The following LPGAT1 variants were observed in gnomAD, a reference collection of about 807,000 sequenced individuals.
The protein encoded by LPGAT1 is acyl-CoA:lysophosphatidylglycerol acyltransferase 1.
A neutral mutation model predicts 47.5 loss-of-function variants in LPGAT1; 11 were observed. That is an observed-to-expected ratio of 0.23 (90% CI 0.15 to 0.38). LPGAT1 has a LOEUF of 0.38. Ranked by LOEUF, LPGAT1 falls within the 10% of genes least tolerant of loss-of-function variation. LPGAT1 has a pLI of 1.00. For synonymous variants in LPGAT1, 138 were observed against 144.2 expected (o/e 0.96, Z 0.31); for missense variants, 293 against 439.0 (o/e 0.67, Z 2.97).
At chr1:211,780,732 C>T (rs1426478554) in intron 5 of LPGAT1, among the ~76,000 whole-genome samples, 1 of 151,952 alleles carries the variant, frequency 6.6e-6, no homozygotes, top group Non-Finnish European at 1.5e-5. Context: ...GATATACATG[C>T]TGAAATGTTT....
At chr1:211,812,814 G>A (rs186334707) in intron 2 of LPGAT1, among the ~76,000 whole-genome samples, 8 of 152,352 alleles carry the variant, frequency 5.3e-5, no homozygotes, top group African/African-American at 1.2e-4. Context: ...CAGCCCAGAT[G>A]TTGGAAGAGG....
rs1658723998 is a variant in LPGAT1 at position 211,783,482 on chromosome 1, T to C, written c.474A>G (p.Gln158=). 1 of 1,613,688 alleles carries C rather than the reference T, an allele frequency of 6.2e-7. No individual in the cohort carries two copies. Among genetic ancestry groups the C allele is most frequent in the African/African-American group, 1.3e-5 (1 of 75,026 alleles). Residue 158 remains glutamine, a synonymous_variant, in exon 5 of 8, where the codon CAA becomes CAG. Transcript: ENST00000366997. ...AGTGCTTCTTGAGAAGCAGCAGCTG[T>C]TGGTCACGATAAGATCTTCCCTAGA... ...FIRQGRSYRD[Q]QLLLLKKHLE... is the part of the protein sequence containing the mutation.
intron 6 of LPGAT1, among the ~76,000 whole-genome samples, chr1:211,756,384 G>A (rs142802910): frequency 5.9e-5 from 9 of 152,264 alleles, no homozygotes; most frequent in Admixed American, 2.0e-4. Context: ...AGGCTGGAGC[G>A]TAGTGGCATG....
chr1:211,747,337 T>A lies in LPGAT1; in HGVS notation c.*2562A>T, dbSNP rs1656984226. ...AAGGATAGGGCAGATCAAATACACATCTATTTACAACTCACGGAGATATTT... is the reference window on the plus strand; with the variant it reads ...AAGGATAGGGCAGATCAAATACACAACTATTTACAACTCACGGAGATATTT... On this transcript the variant is annotated 3_prime_UTR_variant, in exon 8 of 8. Coordinates refer to ENST00000366997, the MANE Select transcript of LPGAT1 (RefSeq NM_014873.3). 6.6e-6 allele frequency: 1 copy of A among 152,118 alleles called. No homozygotes were observed. The highest frequency in any genetic ancestry group is 2.4e-5 in the African/African-American group (1 of 41,412). 9.4% of individuals were successfully genotyped at this position (152,118 alleles called of 1,614,324 possible). A position where few individuals can be genotyped will look rare whatever the true frequency, so the allele number is the denominator to read the frequency against.
chr1:211,758,550 A>C (rs1657559772), intron 6 of LPGAT1, among the ~76,000 whole-genome samples: 1 of 152,098 alleles, frequency 6.6e-6, no homozygotes, highest in South Asian at 2.1e-4. Context: ...AAAAATACAA[A>C]AAATAAACCG....
At chr1:211,825,283 C>T (rs1340327861) in intron 2 of LPGAT1, among the ~76,000 whole-genome samples, 5 of 146,856 alleles carry the variant, frequency 3.4e-5, no homozygotes, top group African/African-American at 1.3e-4. Flanking sequence ...CCTCGAACTC[C>T]TGGGCTCATG....
intron 6 of LPGAT1, among the ~76,000 whole-genome samples, chr1:211,757,055 G>A (rs1199455142): frequency 5.3e-5 from 8 of 151,796 alleles, no homozygotes; most frequent in African/African-American, 1.9e-4. Context: ...TCAGGAGCTC[G>A]AGACCAGCCT....
At chr1:211,829,955 A>G in intron 1 of LPGAT1, 2 of 985,308 alleles carry the variant, frequency 2.0e-6, no homozygotes, top group Non-Finnish European at 2.4e-6. Context: ...AATGCGAAAA[A>G]GAGGAAGGAC....
intron 2 of LPGAT1, among the ~76,000 whole-genome samples, chr1:211,807,637 A>G (rs1246208261): frequency 6.6e-6 from 1 of 152,184 alleles, no homozygotes; most frequent in Admixed American, 6.5e-5. Context: ...ACAAAGATGT[A>G]AAGTCACCTG....
chr1:211,773,270 T>C (rs1305770833), intron 6 of LPGAT1, among the ~76,000 whole-genome samples: 1 of 152,204 alleles, frequency 6.6e-6, no homozygotes, highest in Non-Finnish European at 1.5e-5. Context: ...TGAAATGATA[T>C]ATCATTTCTT....
intron 2 of LPGAT1, among the ~76,000 whole-genome samples, chr1:211,796,800 G>A (rs1659370524): frequency 6.6e-6 from 1 of 151,926 alleles, no homozygotes; most frequent in South Asian, 2.1e-4. Flanking sequence ...ATTATAAATG[G>A]TTTTTAATTT....
chr1:211,756,994 C>G (rs904496368), intron 6 of LPGAT1, among the ~76,000 whole-genome samples: 21 of 151,692 alleles, frequency 1.4e-4, no homozygotes, highest in Admixed American at 1.1e-3. Context: ...TGCGGTGGCT[C>G]ACACCTGTAA....
chr1:211,766,888 T>A (rs1319856099), intron 6 of LPGAT1, among the ~76,000 whole-genome samples: 2 of 152,266 alleles, frequency 1.3e-5, no homozygotes, highest in Non-Finnish European at 2.9e-5. Context: ...CTATTGATTC[T>A]GTTTCTCTGG....
intron 6 of LPGAT1, among the ~76,000 whole-genome samples, chr1:211,752,088 T>C (rs531594420): frequency 2.9e-4 from 44 of 152,346 alleles, no homozygotes; most frequent in African/African-American, 1.0e-3. Flanking sequence ...ATTAATACAA[T>C]CATGTAAATA....
intron 6 of LPGAT1, among the ~76,000 whole-genome samples, chr1:211,759,126 C>G (rs1224284701): frequency 6.6e-6 from 1 of 152,166 alleles, no homozygotes; most frequent in Non-Finnish European, 1.5e-5. Context: ...AGAGGTCTGC[C>G]TGTAAATTTT....
At chr1:211,773,612 T>A (rs1658268978) in intron 6 of LPGAT1, among the ~76,000 whole-genome samples, 1 of 152,234 alleles carries the variant, frequency 6.6e-6, no homozygotes, top group Admixed American at 6.5e-5. Flanking sequence ...TAACTCACTG[T>A]CCTAATTGAA....
intron 6 of LPGAT1, among the ~76,000 whole-genome samples, chr1:211,758,807 A>G (rs1657570463): frequency 6.6e-6 from 1 of 152,228 alleles, no homozygotes; most frequent in African/African-American, 2.4e-5. Context: ...CCAATTAAGT[A>G]TATTATTTGC....
rs536118174 is a variant in LPGAT1 at position 211,757,255 on chromosome 1, A to C, written c.855-6188T>G. ...GGCAACAAGAGTAAAATTCTGTCTC[A>C]AAAAAAAAAAAAGCTATTGGGCAGA... On this transcript the variant is annotated intron_variant, in intron 6 of 7. Transcript: ENST00000366997. 2.7e-3 allele frequency among the ~76,000 whole-genome samples: 300 copies of C among 112,264 alleles called. 1 individual carries two copies. The highest frequency in any genetic ancestry group is 8.2e-3 in the African/African-American group (291 of 35,382). The allele number at this position is 112,264 out of a possible 152,430, so 73.6% of individuals were successfully genotyped here.
rs1181614286 is a variant in LPGAT1 at position 211,830,211 on chromosome 1, C to A, written c.-28+362G>T. The A allele has an allele frequency of 1.0e-6, 1 of 983,174 alleles. No individual in the cohort carries two copies. Among genetic ancestry groups the A allele is most frequent in the African/African-American group, 1.8e-5 (1 of 56,900 alleles). The allele number at this position is 983,174 out of a possible 1,614,324, so 60.9% of individuals were successfully genotyped here. A position where few individuals can be genotyped will look rare whatever the true frequency, so the allele number is the denominator to read the frequency against. On this transcript the variant is annotated intron_variant, in intron 1 of 7. Coordinates refer to ENST00000366997, the MANE Select transcript of LPGAT1 (RefSeq NM_014873.3). This position sits in a 1 kb window ranked among gnomAD's most constrained non-coding sequence, Gnocchi z 5.9. ...GGCGGGCGCGGACGGCGGGCGGCTG[C>A]GGAGAGCGGGGGCGGGTGTCCCCCG...
Sources: gnomAD v4.1 joint callset for allele counts (sites outside exome capture counted in the v4.1 genomes callset) on GRCh38, gnomAD v4.1.1 for gene constraint, Gnocchi (gnomAD v3.1) non-coding constraint, MANE v1.5 for transcripts, NCBI Gene and HGNC (gene_info 2026-07-23, HGNC 2026-07-21) for gene names.